BNC2: variants seen among roughly 807,000 people sequenced by gnomAD.
BNC2 encodes basonuclin zinc finger protein 2.
Under a neutral mutation model 76.3 loss-of-function variants are expected in BNC2, and 20 were observed. The observed-to-expected ratio is 0.26, with a 90% CI of 0.18 to 0.38. The LOEUF (loss-of-function observed/expected upper bound fraction) is 0.38. Among genes scored for constraint, BNC2 ranks in the 10% least tolerant of loss-of-function variants. BNC2 has a pLI of 1.00. For synonymous variants in BNC2, 582 were observed against 514.8 expected (o/e 1.13, Z -1.77); for missense variants, 1,382 against 1,399.8 (o/e 0.99, Z 0.20).
At chr9:16,483,776 G>T (rs1446648596) in intron 5 of BNC2, among the ~76,000 whole-genome samples, 1 of 152,156 alleles carries the variant, frequency 6.6e-6, no homozygotes, top group East Asian at 1.9e-4. Flanking sequence ...CCTTGTATAA[G>T]ATTTCCTAAG....
intron 3 of BNC2, among the ~76,000 whole-genome samples, chr9:16,644,493 G>A (rs1370923388): frequency 4.0e-5 from 6 of 151,512 alleles, no homozygotes; most frequent in East Asian, 3.9e-4. Flanking sequence ...AAATCAACTC[G>A]GTGCATTCTA....
chr9:16,531,901 C>T (rs1293704097), intron 5 of BNC2, among the ~76,000 whole-genome samples: 1 of 152,106 alleles, frequency 6.6e-6, no homozygotes, highest in African/African-American at 2.4e-5. Flanking sequence ...TAGGAAGGAG[C>T]TCACCCTCTT....
chr9:16,658,750 C>G (rs1234198382), intron 3 of BNC2, among the ~76,000 whole-genome samples: 1 of 152,122 alleles, frequency 6.6e-6, no homozygotes, highest in Non-Finnish European at 1.5e-5. Flanking sequence ...ACCAACTATC[C>G]CAGAACAGAC....
At chr9:16,534,003 G>A (rs776372688) in intron 5 of BNC2, among the ~76,000 whole-genome samples, 1 of 152,066 alleles carries the variant, frequency 6.6e-6, no homozygotes, top group Non-Finnish European at 1.5e-5. Context: ...AAACATCCAC[G>A]TCTACCTAAC....
At chr9:16,531,895 A>G (rs184233681) in intron 5 of BNC2, among the ~76,000 whole-genome samples, 24 of 152,270 alleles carry the variant, frequency 1.6e-4, no homozygotes, top group African/African-American at 5.5e-4. Flanking sequence ...GTAATATAGG[A>G]AGGAGCTCAC....
rs1436156781 is a variant in BNC2 at position 16,437,152 on chromosome 9, G to T, written c.1042C>A (p.Pro348Thr). 1.9e-6 allele frequency: 3 copies of T among 1,614,026 alleles called. No individual in the cohort carries two copies. Residue 348 changes from proline (P) to threonine (T), a missense_variant, in exon 6 of 7, where the codon CCA (proline) becomes ACA (threonine). This residue lies in a region of BNC2 where 557 missense variants were observed against 540.9 expected (regional missense o/e 1.03). Coordinates refer to ENST00000380672, the MANE Select transcript of BNC2 (RefSeq NM_017637.6). ...LPPNGLLLEQ[P>T]GLRLREPSLS... ...CTGGGTTCCCGCAGCCTCAACCCTGGTTGCTCTAACAGTAGCCCATTTGGA... is the reference window on the plus strand; with the variant it reads ...CTGGGTTCCCGCAGCCTCAACCCTGTTTGCTCTAACAGTAGCCCATTTGGA...
intron 1 of BNC2, among the ~76,000 whole-genome samples, chr9:16,866,751 T>G (rs1005983105): frequency 4.0e-5 from 6 of 151,848 alleles, no homozygotes; most frequent in Admixed American, 3.9e-4. Flanking sequence ...TTGTGCAACA[T>G]TCTGATGGCC....
At chr9:16,688,876 T>G (rs990583656) in intron 3 of BNC2, among the ~76,000 whole-genome samples, 2 of 152,140 alleles carry the variant, frequency 1.3e-5, no homozygotes, top group Non-Finnish European at 2.9e-5. Flanking sequence ...AGTACATATC[T>G]ACTCTCCTGT....
intron 4 of BNC2, among the ~76,000 whole-genome samples, chr9:16,576,101 CCT>C (rs1300130789): frequency 6.6e-6 from 1 of 152,202 alleles, no homozygotes; most frequent in East Asian, 1.9e-4. Flanking sequence ...CTTCCCTTCC[CCT>C]GAGGACTCAA....
chr9:16,716,234 T>A (rs2210104), intron 3 of BNC2, among the ~76,000 whole-genome samples: 133,405 of 152,246 alleles, frequency 0.88, 58,798 homozygotes, highest in Non-Finnish European at 0.93. Context: ...CTTCAAGGTA[T>A]ATTTTAAAAG....
chr9:16,450,722 G>GA (rs1315959990), intron 5 of BNC2, among the ~76,000 whole-genome samples: 1 of 152,214 alleles, frequency 6.6e-6, no homozygotes, highest in Non-Finnish European at 1.5e-5. Context: ...CAGGCTGGAA[G>GA]AAACAGCTGC....
intron 1 of BNC2, among the ~76,000 whole-genome samples, chr9:16,827,163 C>T (rs1446752124): frequency 6.6e-6 from 1 of 152,152 alleles, no homozygotes; most frequent in East Asian, 1.9e-4. Flanking sequence ...AATTTTATAA[C>T]CACTCTCAGC....
chr9:16,667,693 T>G (rs572797328), intron 3 of BNC2, among the ~76,000 whole-genome samples: 1 of 152,258 alleles, frequency 6.6e-6, no homozygotes, highest in East Asian at 1.9e-4. Context: ...TTTACCACAT[T>G]TGTAATATGA....
chr9:16,730,498 G>T (rs1481149270), intron 2 of BNC2, among the ~76,000 whole-genome samples: 1 of 152,182 alleles, frequency 6.6e-6, no homozygotes, highest in African/African-American at 2.4e-5. Flanking sequence ...CAGACTGAGA[G>T]AAGCAGTTTA....
intron 1 of BNC2, among the ~76,000 whole-genome samples, chr9:16,774,172 G>A (rs1022286556): frequency 2.6e-5 from 4 of 152,156 alleles, no homozygotes; most frequent in African/African-American, 9.7e-5. Context: ...AGTAGAGACA[G>A]GGTTTCACCA....
intron 3 of BNC2, among the ~76,000 whole-genome samples, chr9:16,663,927 T>C (rs921950086): frequency 6.6e-6 from 1 of 152,196 alleles, no homozygotes; most frequent in African/African-American, 2.4e-5. Context: ...CTATAAAGTC[T>C]TGCTATATTA....
In BNC2 at chr9:16,673,028, T is replaced by C. The variant is rs973399533; in HGVS notation, c.330+54769A>G. On this transcript the variant is annotated intron_variant, in intron 3 of 6. Coordinates refer to ENST00000380672, the MANE Select transcript of BNC2 (RefSeq NM_017637.6). ...ATTTTCCTACGAGCTGGAATCCCTG[T>C]TTAGTTTTGGGGGGGTTTTTTATTT... Among the ~76,000 whole-genome samples the C allele has an allele frequency of 2.6e-5, 4 of 152,080 alleles. No individual in the cohort carries two copies. The East Asian group carries it at 7.7e-4, about 29-fold the overall frequency.
intron 3 of BNC2, among the ~76,000 whole-genome samples, chr9:16,678,267 CTTT>C (rs140809930): frequency 2.9e-3 from 233 of 80,650 alleles, no homozygotes; most frequent in Admixed American, 4.7e-3. Flanking sequence ...CTTTCTTTTT[CTTT>C]TTTTTTTTTT....
At chr9:16,853,961 C>T (rs998237006) in intron 1 of BNC2, among the ~76,000 whole-genome samples, 2 of 152,114 alleles carry the variant, frequency 1.3e-5, no homozygotes, top group South Asian at 2.1e-4. Context: ...TATGACTGCT[C>T]GGAAACTTAC....
Sources: gnomAD v4.1 joint callset for allele counts (sites outside exome capture counted in the v4.1 genomes callset) on GRCh38, gnomAD v4.1.1 for gene constraint, gnomAD v4.1.1 regional missense constraint, MANE v1.5 for transcripts, NCBI Gene and HGNC (gene_info 2026-07-23, HGNC 2026-07-21) for gene names.